The following MS4A7 variants were observed in gnomAD, a reference collection of about 807,000 sequenced individuals.
MS4A7 encodes the protein membrane-spanning 4-domains subfamily A member 7.
A neutral mutation model predicts 23.5 loss-of-function variants in MS4A7; 21 were observed. The ratio of observed to expected loss-of-function variants is 0.89; its 90% confidence interval spans 0.63 to 1.29. The LOEUF (loss-of-function observed/expected upper bound fraction) is 1.29. Ranked by LOEUF, MS4A7 falls within the 50% of genes most tolerant of loss-of-function variation. The probability of loss-of-function intolerance (pLI) is 0.00; values close to 1 mark genes in which losing one functional copy is unlikely to be tolerated. For missense variants in MS4A7, 263 were observed against 274.2 expected, an observed-to-expected ratio of 0.96 and a Z score of 0.29; for synonymous variants, 111 against 107.4, an observed-to-expected ratio of 1.03 and a Z score of -0.21.
At chr11:60,380,956 G>A (rs2085422690) in intron 1 of MS4A7, among the ~76,000 whole-genome samples, 1 of 152,144 alleles carries the variant, frequency 6.6e-6, no homozygotes, top group Non-Finnish European at 1.5e-5. Flanking sequence ...TCCACTACCT[G>A]CTAGATAAGC....
At chr11:60,388,389 G>A (rs2085513588) in intron 4 of MS4A7, among the ~76,000 whole-genome samples, 2 of 152,202 alleles carry the variant, frequency 1.3e-5, no homozygotes, top group Non-Finnish European at 1.5e-5. Flanking sequence ...ACAGAGCTGG[G>A]ATAGGAGGAG....
chr11:60,387,098 A>G (rs111696311), intron 4 of MS4A7, among the ~76,000 whole-genome samples: 4 of 152,342 alleles, frequency 2.6e-5, no homozygotes, highest in African/African-American at 9.6e-5. Flanking sequence ...TTGACCTTGA[A>G]TAAGGTAGCC....
At chr11:60,391,917 TAA>T (rs34933885) in intron 5 of MS4A7, among the ~76,000 whole-genome samples, 7,697 of 118,576 alleles carry the variant, frequency 0.065, 231 homozygotes, top group South Asian at 0.18. Context: ...AGACCCTGTC[TAA>T]AAAAAAAAAA....
intron 3 of MS4A7, 99 bp from the exon 4 acceptor site, chr11:60,386,618 G>T: frequency 1.0e-6 from 1 of 988,376 alleles, no homozygotes; most frequent in Admixed American, 2.0e-5. Context: ...CTCCCTAAAA[G>T]TTTTCCAACA....
chr11:60,392,900 T>C, intron 6 of MS4A7, 114 bp downstream of exon 6: 1 of 688,384 alleles, frequency 1.5e-6, no homozygotes, highest in East Asian at 2.7e-5. Flanking sequence ...GAGGTGCATG[T>C]GGAAGGCCAC....
intron 1 of MS4A7, among the ~76,000 whole-genome samples, chr11:60,382,299 C>T (rs1418730531): frequency 2.6e-5 from 4 of 152,164 alleles, no homozygotes; most frequent in Non-Finnish European, 4.4e-5. Context: ...ATATCACAAG[C>T]GTCTGAGCCA....
chr11:60,382,048 G>GGAT (rs1403287671), intron 1 of MS4A7, among the ~76,000 whole-genome samples: 1 of 152,236 alleles, frequency 6.6e-6, no homozygotes, highest in Non-Finnish European at 1.5e-5. Flanking sequence ...CACCTTTCAA[G>GGAT]GATGACAAGC....
intron 2 of MS4A7, chr11:60,383,685 G>T: frequency 6.5e-6 from 1 of 153,340 alleles, no homozygotes; most frequent in Non-Finnish European, 1.5e-5. Flanking sequence ...GACTATGGGT[G>T]CACGCCACCA....
intron 5 of MS4A7, 118 bp from the exon 6 acceptor site, chr11:60,392,567 G>T (rs2085564696): frequency 2.9e-6 from 2 of 681,516 alleles, no homozygotes; most frequent in Non-Finnish European, 2.5e-6. Context: ...AGAGGATTAA[G>T]CAATTTTCCC....
chr11:60,383,111 T>C lies in MS4A7; in HGVS notation c.-13-18T>C, dbSNP rs1384453321. On this transcript the variant is annotated intron_variant, in intron 1 of 6. Transcript: ENST00000300184. ...AGTCAAACCTTGGGAAGTAACTGAG[T>C]TTTGATGCCTCTTCCAGCATCATCA... 6.2e-7 allele frequency: 1 copy of C among 1,608,328 alleles called. No individual in the cohort carries two copies. The highest frequency in any genetic ancestry group is 1.7e-5 in the Admixed American group (1 of 59,636).
chr11:60,393,767 A>G lies in MS4A7; in HGVS notation c.649-20A>G. The G allele has an allele frequency of 6.3e-7, 1 of 1,581,506 alleles. No individual in the cohort carries two copies. The highest frequency in any genetic ancestry group is 8.6e-7 in the Non-Finnish European group (1 of 1,161,160). ...CCGAAATCAAAGTTTAAAAATTCTA[A>G]CCAATTATGTATTTTCTAGAGTTCA... On this transcript the variant is annotated intron_variant, in intron 6 of 6. Transcript: ENST00000300184.
intron 2 of MS4A7, among the ~76,000 whole-genome samples, 176 bp from the exon 3 acceptor site, chr11:60,384,912 T>C (rs1304429814): frequency 6.6e-6 from 1 of 152,236 alleles, no homozygotes; most frequent in African/African-American, 2.4e-5. Context: ...AAAGAAGAGG[T>C]TAGCTATACA....
In MS4A7 at chr11:60,393,811, C is replaced by T. The variant is rs1253882558; in HGVS notation, c.673C>T (p.Gln225Ter). The change falls in exon 7 of 7, where the codon CAA (glutamine) becomes TAA (stop). Residue 225 changes from glutamine (Q) to a stop codon, truncating the protein, a stop_gained. Transcript: ENST00000300184. LOFTEE classifies it low-confidence loss of function (END_TRUNC). ...GAGTTCATTTTCCTCGACCCAGTCA[C>T]AAGATCATATCCAACAGGTCAAAAA... ...PGSSFSSTQSQDHIQQVKKSS... is the reference protein window; with the variant it reads ...PGSSFSSTQS 2 of 1,611,800 alleles carry T rather than the reference C, an allele frequency of 1.2e-6. No homozygotes were observed. The highest frequency in any genetic ancestry group is 1.1e-5 in the South Asian group (1 of 90,598).
rs114200418 is a variant in MS4A7, at chr11:60,393,905, T to C, written c.*44T>C. The C allele has an allele frequency of 5.1e-3, 6,566 of 1,296,834 alleles. 257 individuals are homozygous for C. In the African/African-American group the frequency reaches 0.086, roughly 17 times the overall value. The allele number at this position is 1,296,834 out of a possible 1,614,324, so 80.3% of individuals were successfully genotyped here. A position where few individuals can be genotyped will look rare whatever the true frequency, so the allele number is the denominator to read the frequency against. On this transcript the variant is annotated 3_prime_UTR_variant, in exon 7 of 7. Transcript: ENST00000300184. ...GGAAGGAAAAGCAACTCAACACTCA[T>C]GGTCAAGTGTGATTAGACTTTCCTG...
chr11:60,393,190 T>C (rs1420822028), intron 6 of MS4A7, among the ~76,000 whole-genome samples: 6 of 152,190 alleles, frequency 3.9e-5, no homozygotes, highest in African/African-American at 1.2e-4. Context: ...GATCAGCTGG[T>C]GTCTACTGGG....
chr11:60,393,628 G>T (rs1565169455), intron 6 of MS4A7, among the ~76,000 whole-genome samples, 159 bp from the exon 7 acceptor site: 1 of 152,166 alleles, frequency 6.6e-6, no homozygotes, highest in Admixed American at 6.5e-5. Context: ...GCAGACTGGA[G>T]AATTGCATTA....
At chr11:60,385,562 T>C (rs1315659716) in intron 3 of MS4A7, among the ~76,000 whole-genome samples, 2 of 152,198 alleles carry the variant, frequency 1.3e-5, no homozygotes, top group African/African-American at 2.4e-5. Context: ...TTCCCTCCAT[T>C]GTAAGAATAA....
intron 5 of MS4A7, among the ~76,000 whole-genome samples, chr11:60,391,091 A>G (rs939127400): frequency 6.6e-6 from 1 of 152,204 alleles, no homozygotes; most frequent in Admixed American, 6.5e-5. Flanking sequence ...GGCATTGGAC[A>G]GGGCCATAAA....
intron 4 of MS4A7, among the ~76,000 whole-genome samples, chr11:60,387,272 G>GT (rs1393393338): frequency 2.0e-5 from 3 of 152,290 alleles, no homozygotes; most frequent in African/African-American, 7.2e-5. Context: ...GACTGTCTCA[G>GT]TTTTAGCCCA....
Sources: gnomAD v4.1 joint callset for allele counts (sites outside exome capture counted in the v4.1 genomes callset) on GRCh38, gnomAD v4.1.1 for gene constraint, MANE v1.5 for transcripts, NCBI Gene and HGNC (gene_info 2026-07-23, HGNC 2026-07-21) for gene names.